Variants in MGAT4C observed in about 807,000 individuals in gnomAD.
The protein encoded by MGAT4C is MGAT4 family member C, also known as alpha-1,3-mannosyl-glycoprotein 4-beta-N-acetylglucosaminyltransferase C.
MGAT4C carries 19 observed loss-of-function variants against 40.1 expected under a neutral mutation model. The observed-to-expected ratio is 0.47, with a 90% CI of 0.33 to 0.70. The LOEUF is 0.70. MGAT4C is among the 30% of genes least tolerant of loss of function. The pLI is 0.02. For missense variants in MGAT4C, 491 were observed against 563.2 expected (o/e 0.87, Z 1.30); for synonymous variants, 181 against 187.1 (o/e 0.97, Z 0.27).
At chr12:86,035,109 G>A (rs1891108792) in intron 2 of MGAT4C, among the ~76,000 whole-genome samples, 1 of 149,868 alleles carries the variant, frequency 6.7e-6, no homozygotes, top group African/African-American at 2.4e-5. Flanking sequence ...TGGGATTGCT[G>A]GGTCATATAG....
At chr12:86,012,872 C>T (rs1391917620) in intron 2 of MGAT4C, among the ~76,000 whole-genome samples, 1 of 151,600 alleles carries the variant, frequency 6.6e-6, no homozygotes, top group Non-Finnish European at 1.5e-5. Flanking sequence ...GCTGATAATC[C>T]CAGCACTTTG....
At chr12:86,380,404 A>T (rs1955906458) in intron 3 of MGAT4C, among the ~76,000 whole-genome samples, 1 of 152,292 alleles carries the variant, frequency 6.6e-6, no homozygotes, top group East Asian at 1.9e-4. Flanking sequence ...GTGGTGTTAA[A>T]TATTGACTGT....
At chr12:86,242,257 T>C (rs1951821752) in intron 1 of MGAT4C, among the ~76,000 whole-genome samples, 1 of 152,116 alleles carries the variant, frequency 6.6e-6, no homozygotes, top group African/African-American at 2.4e-5. Context: ...GAGAACGCGT[T>C]ACAAAAAATC....
intron 2 of MGAT4C, among the ~76,000 whole-genome samples, chr12:86,704,380 A>G (rs1424048515): frequency 4.6e-5 from 7 of 152,092 alleles, no homozygotes; most frequent in African/African-American, 1.7e-4. Flanking sequence ...GGATGAGTAA[A>G]TACTATTGGA....
chr12:86,707,713 T>C (rs372843789), intron 2 of MGAT4C, among the ~76,000 whole-genome samples: 292 of 152,028 alleles, frequency 1.9e-3, no homozygotes, highest in African/African-American at 6.7e-3. Flanking sequence ...TGTATTTTAG[T>C]AGAGATGGGA....
At chr12:86,324,687 G>A (rs1954483436) in intron 4 of MGAT4C, among the ~76,000 whole-genome samples, 1 of 151,806 alleles carries the variant, frequency 6.6e-6, no homozygotes. Context: ...AATCCATAGA[G>A]AAACGAGAGT....
chr12:86,178,023 G>A (rs566038962), intron 1 of MGAT4C, among the ~76,000 whole-genome samples: 34 of 152,016 alleles, frequency 2.2e-4, no homozygotes, highest in African/African-American at 5.3e-4. Context: ...TGCAAGCTCC[G>A]CCTCCTGGGT....
chr12:86,648,195 A>G (rs992213883), intron 2 of MGAT4C, among the ~76,000 whole-genome samples: 5 of 151,940 alleles, frequency 3.3e-5, no homozygotes, highest in Non-Finnish European at 5.9e-5. Flanking sequence ...CTAGAAACAT[A>G]AAGGCCATAA....
At chr12:86,194,756 G>A (rs189081867) in intron 1 of MGAT4C, among the ~76,000 whole-genome samples, 7 of 152,122 alleles carry the variant, frequency 4.6e-5, no homozygotes, top group South Asian at 2.1e-4. Context: ...GAACCACTGC[G>A]CCCAGCTGGA....
intron 2 of MGAT4C, among the ~76,000 whole-genome samples, chr12:86,561,899 C>T (rs1292911351): frequency 6.6e-6 from 1 of 152,126 alleles, no homozygotes; most frequent in Non-Finnish European, 1.5e-5. Flanking sequence ...TACTAGACTC[C>T]AAAATGCTAA....
rs1237502436 is a variant in MGAT4C, at chr12:85,975,144, T to C, written c.*4145A>G. ...ATTTTTGATAAGGTTTCTAGAGTAA[T>C]AAATTAGAATGACAGGAATATATAT... On this transcript the variant is annotated 3_prime_UTR_variant, in exon 5 of 5. Transcript: ENST00000611864. 3.3e-5 allele frequency: 5 copies of C among 150,912 alleles called. No individual in the cohort carries two copies. The highest frequency in any genetic ancestry group is 9.7e-5 in the African/African-American group (4 of 41,314). 9.3% of individuals were successfully genotyped at this position (150,912 alleles called of 1,614,324 possible). A position where few individuals can be genotyped will look rare whatever the true frequency, so the allele number is the denominator to read the frequency against.
intron 2 of MGAT4C, among the ~76,000 whole-genome samples, chr12:86,586,633 G>C (rs1961052561): frequency 7.4e-6 from 1 of 134,590 alleles, no homozygotes; most frequent in Non-Finnish European, 1.6e-5. Flanking sequence ...ACTTTTTAAT[G>C]ATTGCCATTC....
chr12:86,750,676 T>C (rs1168925493), intron 1 of MGAT4C, among the ~76,000 whole-genome samples: 3 of 152,098 alleles, frequency 2.0e-5, no homozygotes, highest in African/African-American at 4.8e-5. Context: ...TGTGTTGTTA[T>C]GCTAGTTACT....
At chr12:86,773,798 T>G (rs1259130697) in intron 1 of MGAT4C, among the ~76,000 whole-genome samples, 1 of 151,958 alleles carries the variant, frequency 6.6e-6, no homozygotes, top group African/African-American at 2.4e-5. Context: ...TTTAAACTCT[T>G]CTTTGTAATT....
chr12:86,785,626 TAC>T (rs1430353642), intron 1 of MGAT4C, among the ~76,000 whole-genome samples: 3 of 151,844 alleles, frequency 2.0e-5, no homozygotes, highest in Non-Finnish European at 2.9e-5. Context: ...GTCAATAAAA[TAC>T]AGTTTCACTA....
At chr12:86,071,163 C>A (rs1399588682) in intron 1 of MGAT4C, among the ~76,000 whole-genome samples, 1 of 151,840 alleles carries the variant, frequency 6.6e-6, no homozygotes, top group Non-Finnish European at 1.5e-5. Context: ...ATACCACAGC[C>A]AGAAGCTATT....
At chr12:86,694,678 T>C (rs1439399765) in intron 2 of MGAT4C, among the ~76,000 whole-genome samples, 1 of 152,196 alleles carries the variant, frequency 6.6e-6, no homozygotes, top group Non-Finnish European at 1.5e-5. Flanking sequence ...CAAGGTTATT[T>C]ATACATCAGA....
chr12:86,199,443 A>G (rs1949954443), intron 1 of MGAT4C, among the ~76,000 whole-genome samples: 1 of 152,064 alleles, frequency 6.6e-6, no homozygotes, highest in Non-Finnish European at 1.5e-5. Flanking sequence ...AGTCCATTGT[A>G]TTTTTTTAAG....
intron 1 of MGAT4C, among the ~76,000 whole-genome samples, chr12:86,761,679 T>C (rs1951408751): frequency 6.6e-6 from 1 of 152,120 alleles, no homozygotes; most frequent in Non-Finnish European, 1.5e-5. Context: ...CTTGACTTTT[T>C]AGTGGTAACT....
Sources: gnomAD v4.1 joint callset for allele counts (sites outside exome capture counted in the v4.1 genomes callset) on GRCh38, gnomAD v4.1.1 for gene constraint, MANE v1.5 for transcripts, NCBI Gene and HGNC (gene_info 2026-07-23, HGNC 2026-07-21) for gene names.